PTPRD: variants seen among roughly 807,000 people sequenced by gnomAD.
PTPRD encodes receptor-type tyrosine-protein phosphatase delta.
Under a neutral mutation model 214.5 loss-of-function variants are expected in PTPRD, and 34 were observed. That is an observed-to-expected ratio of 0.16 (90% CI 0.12 to 0.21). The LOEUF (loss-of-function observed/expected upper bound fraction) is 0.21. PTPRD is among the 10% of genes least tolerant of loss of function. The pLI is 1.00. For missense variants in PTPRD, 2,545 were observed against 2,398.7 expected (o/e 1.06, Z -1.27); for synonymous variants, 1,128 against 845.7 (o/e 1.33, Z -5.79).
intron 11 of PTPRD, among the ~76,000 whole-genome samples, chr9:8,827,443 C>T (rs533667877): frequency 9.9e-5 from 15 of 152,100 alleles, no homozygotes; most frequent in African/African-American, 3.1e-4. Context: ...CCCATCTCTA[C>T]TAAAAATACA....
intron 9 of PTPRD, among the ~76,000 whole-genome samples, chr9:9,279,176 T>G: frequency 6.6e-6 from 1 of 150,754 alleles, no homozygotes; most frequent in Non-Finnish European, 1.5e-5. Context: ...TAAGATAATT[T>G]TGTATGTATA....
chr9:9,795,963 A>G (rs1233545183), intron 5 of PTPRD, among the ~76,000 whole-genome samples: 1 of 152,162 alleles, frequency 6.6e-6, no homozygotes, highest in Non-Finnish European at 1.5e-5. Context: ...GAATATATCA[A>G]TGACTATGCA....
At chr9:9,531,823 T>A (rs1426818410) in intron 8 of PTPRD, among the ~76,000 whole-genome samples, 1 of 152,116 alleles carries the variant, frequency 6.6e-6, no homozygotes, top group Non-Finnish European at 1.5e-5. Context: ...TGAGAACAGT[T>A]CTTTTTAAAT....
chr9:10,525,500 A>G (rs140694152), intron 2 of PTPRD, among the ~76,000 whole-genome samples: 92 of 152,238 alleles, frequency 6.0e-4, no homozygotes, highest in African/African-American at 2.1e-3. Flanking sequence ...GGCACAACCT[A>G]AACAACTGTA....
intron 3 of PTPRD, among the ~76,000 whole-genome samples, chr9:10,089,700 T>C (rs953096460): frequency 1.3e-5 from 2 of 151,704 alleles, no homozygotes; most frequent in African/African-American, 4.8e-5. Context: ...AAAGTCACCA[T>C]TGAGAAGTTA....
At chr9:9,119,154 A>T (rs941232342) in intron 10 of PTPRD, among the ~76,000 whole-genome samples, 1 of 152,152 alleles carries the variant, frequency 6.6e-6, no homozygotes, top group Non-Finnish European at 1.5e-5. Context: ...AAGTGAAGTG[A>T]ATTGGTTTAA....
intron 35 of PTPRD, among the ~76,000 whole-genome samples, chr9:8,435,677 T>G (rs1376267551): frequency 7.3e-5 from 11 of 150,004 alleles, no homozygotes; most frequent in Non-Finnish European, 1.0e-4. Context: ...ACTTTTTGAT[T>G]GATATATACC....
chr9:10,143,298 AT>A (rs977772624), intron 3 of PTPRD, among the ~76,000 whole-genome samples: 9 of 151,966 alleles, frequency 5.9e-5, no homozygotes, highest in African/African-American at 2.2e-4. Context: ...ATAAAATAAA[AT>A]AAAAAAATAA....
chr9:8,978,352 C>A (rs767440699), intron 11 of PTPRD, among the ~76,000 whole-genome samples: 4 of 152,092 alleles, frequency 2.6e-5, no homozygotes, highest in African/African-American at 9.7e-5. Flanking sequence ...AGTACAAATG[C>A]TCTGCACTAA....
At chr9:9,572,606 T>C (rs572506407) in intron 8 of PTPRD, among the ~76,000 whole-genome samples, 31 of 147,686 alleles carry the variant, frequency 2.1e-4, no homozygotes, top group Non-Finnish European at 4.3e-4. Flanking sequence ...TATGTGTATA[T>C]ATATATCATA....
chr9:9,584,558 T>A (rs2091562218), intron 7 of PTPRD, among the ~76,000 whole-genome samples: 1 of 151,934 alleles, frequency 6.6e-6, no homozygotes, highest in East Asian at 1.9e-4. Context: ...GTTCACATAT[T>A]AAGTGTATGA....
chr9:9,061,747 G>A (rs192368816), intron 10 of PTPRD, among the ~76,000 whole-genome samples: 6 of 152,132 alleles, frequency 3.9e-5, no homozygotes, highest in East Asian at 3.9e-4. Context: ...GTATCCTACC[G>A]AGGGCCTTGG....
At chr9:9,956,556 A>G (rs1404050601) in intron 4 of PTPRD, among the ~76,000 whole-genome samples, 1 of 152,140 alleles carries the variant, frequency 6.6e-6, no homozygotes, top group Non-Finnish European at 1.5e-5. Flanking sequence ...CAGAAGATAC[A>G]TATGTTTTGT....
Position 10,512,802 on chromosome 9 carries a change from C to T in PTPRD, c.-600+99596G>A, listed in dbSNP as rs116949219. Reference sequence around the variant, plus strand: ...TTAAGGACCAACCTAAGGTTGCAAACCAGGGTTTAGAGTATTAAAGTATAA... The same window carrying T: ...TTAAGGACCAACCTAAGGTTGCAAATCAGGGTTTAGAGTATTAAAGTATAA... On this transcript the variant is annotated intron_variant, in intron 2 of 45. Coordinates refer to ENST00000381196, the MANE Select transcript of PTPRD (RefSeq NM_002839.4). 1.6e-4 allele frequency among the ~76,000 whole-genome samples: 25 copies of T among 151,936 alleles called. No homozygotes were observed. The East Asian group carries it at 4.8e-3, about 29-fold the overall frequency.
chr9:10,379,251 TGTGTG>T (rs1565653428), intron 2 of PTPRD, among the ~76,000 whole-genome samples: 2 of 149,234 alleles, frequency 1.3e-5, no homozygotes, highest in South Asian at 2.1e-4. Flanking sequence ...GTTTTTTTTG[TGTGTG>T]TGTGTGTGTG....
intron 5 of PTPRD, among the ~76,000 whole-genome samples, chr9:9,818,573 A>G (rs1274428962): frequency 7.9e-5 from 12 of 152,142 alleles, no homozygotes; most frequent in South Asian, 6.2e-4. Context: ...GGAAAACTAC[A>G]TTGTGATTGT....
intron 9 of PTPRD, among the ~76,000 whole-genome samples, chr9:9,204,840 G>A (rs2099943890): frequency 6.6e-6 from 1 of 152,014 alleles, no homozygotes; most frequent in Admixed American, 6.6e-5. Context: ...ATTTATAAAT[G>A]TCTCAAATTA....
chr9:10,192,523 G>C (rs565484760), intron 3 of PTPRD, among the ~76,000 whole-genome samples: 5 of 145,442 alleles, frequency 3.4e-5, no homozygotes, highest in African/African-American at 1.3e-4. Context: ...TATAGACACA[G>C]ACCAACAACT....
intron 2 of PTPRD, among the ~76,000 whole-genome samples, chr9:10,476,067 T>G (rs1476407335): frequency 6.6e-6 from 1 of 152,114 alleles, no homozygotes; most frequent in Non-Finnish European, 1.5e-5. Context: ...CTTTGAAAAC[T>G]GGCACAAAAC....
Sources: gnomAD v4.1 joint callset for allele counts (sites outside exome capture counted in the v4.1 genomes callset) on GRCh38, gnomAD v4.1.1 for gene constraint, MANE v1.5 for transcripts, NCBI Gene and HGNC (gene_info 2026-07-23, HGNC 2026-07-21) for gene names.